The following BICC1 variants were observed in gnomAD, a reference collection of about 807,000 sequenced individuals.
The protein encoded by BICC1 is protein bicaudal C homolog 1.
BICC1 carries 43 observed loss-of-function variants against 111.0 expected under a neutral mutation model. The ratio of observed to expected loss-of-function variants is 0.39; its 90% CI spans 0.30 to 0.50. The LOEUF (loss-of-function observed/expected upper bound fraction) is 0.50. BICC1 is among the 20% of genes least tolerant of loss of function. The pLI is 0.88. For synonymous variants in BICC1, 467 were observed against 434.4 expected, an observed-to-expected ratio of 1.07 and a Z score of -0.93; for missense variants, 1,091 against 1,203.2, an observed-to-expected ratio of 0.91 and a Z score of 1.38.
intron 2 of BICC1, among the ~76,000 whole-genome samples, chr10:58,691,131 G>GT (rs937604746): frequency 2.0e-5 from 3 of 151,994 alleles, no homozygotes; most frequent in Middle Eastern, 3.4e-3. Context: ...CTTTATTATT[G>GT]TTTTTTTCCT....
chr10:58,638,317 T>TA (rs561352548), intron 2 of BICC1, among the ~76,000 whole-genome samples: 2,621 of 150,554 alleles, frequency 0.017, 77 homozygotes, highest in African/African-American at 0.059. Flanking sequence ...ATTACAGAGT[T>TA]AAAAAAAAAG....
intron 1 of BICC1, among the ~76,000 whole-genome samples, chr10:58,521,431 T>G (rs1256665456): frequency 6.6e-6 from 1 of 152,136 alleles, no homozygotes; most frequent in Non-Finnish European, 1.5e-5. Flanking sequence ...TATGCATTTT[T>G]TATTATTCTC....
chr10:58,803,015 G>C, intron 14 of BICC1, 62 bp from the exon 15 acceptor site: 1 of 1,414,370 alleles, frequency 7.1e-7, no homozygotes, highest in Non-Finnish European at 9.4e-7. Flanking sequence ...GTGGCATGTA[G>C]GAAACATTCA....
chr10:58,752,004 C>T (rs559211371), intron 3 of BICC1, among the ~76,000 whole-genome samples: 2 of 152,150 alleles, frequency 1.3e-5, no homozygotes, highest in South Asian at 2.1e-4. Flanking sequence ...CTACATTATA[C>T]CTCACTATGA....
intron 3 of BICC1, among the ~76,000 whole-genome samples, chr10:58,752,698 A>G (rs1377507004): frequency 6.6e-6 from 1 of 152,196 alleles, no homozygotes; most frequent in Non-Finnish European, 1.5e-5. Context: ...CCTGAATGCT[A>G]AAGGACATTT....
chr10:58,725,542 C>T (rs1401148428), intron 3 of BICC1, among the ~76,000 whole-genome samples: 4 of 152,148 alleles, frequency 2.6e-5, no homozygotes, highest in Admixed American at 1.3e-4. Flanking sequence ...TGTATTTCAC[C>T]GCTAGAGTGA....
intron 3 of BICC1, among the ~76,000 whole-genome samples, chr10:58,711,226 A>C (rs1840561790): frequency 1.3e-5 from 2 of 152,164 alleles, no homozygotes; most frequent in Non-Finnish European, 2.9e-5. Context: ...CAAGAGTAGA[A>C]ATTCACCCAA....
intron 2 of BICC1, among the ~76,000 whole-genome samples, chr10:58,689,106 C>G (rs1839839706): frequency 6.6e-6 from 1 of 152,052 alleles, no homozygotes; most frequent in Non-Finnish European, 1.5e-5. Context: ...GATCAAGAAC[C>G]TTTCTGCGAT....
At chr10:58,617,401 G>A (rs1845653433) in intron 1 of BICC1, among the ~76,000 whole-genome samples, 1 of 152,210 alleles carries the variant, frequency 6.6e-6, no homozygotes, top group South Asian at 2.1e-4. Context: ...TAGCAGCAGA[G>A]TACACTGAAT....
At chr10:58,759,316 C>T (rs1842237703) in intron 3 of BICC1, among the ~76,000 whole-genome samples, 1 of 151,984 alleles carries the variant, frequency 6.6e-6, no homozygotes, top group South Asian at 2.1e-4. Flanking sequence ...TCAATATAAA[C>T]AAATACAAAT....
At chr10:58,524,119 T>C (rs1014445685) in intron 1 of BICC1, among the ~76,000 whole-genome samples, 5 of 152,084 alleles carry the variant, frequency 3.3e-5, no homozygotes, top group African/African-American at 1.2e-4. Context: ...AAAATGGCCA[T>C]ACTGCCCAAG....
At chr10:58,699,691 A>G (rs1479478604) in intron 2 of BICC1, among the ~76,000 whole-genome samples, 1 of 151,586 alleles carries the variant, frequency 6.6e-6, no homozygotes, top group Non-Finnish European at 1.5e-5. Context: ...TTATTTTTCT[A>G]TCTTTCTTTC....
At chr10:58,696,374 T>TA (rs774237476) in intron 2 of BICC1, among the ~76,000 whole-genome samples, 6 of 152,176 alleles carry the variant, frequency 3.9e-5, no homozygotes, top group Non-Finnish European at 5.9e-5. Context: ...ATCTTAATTT[T>TA]AATTGTTTCA....
At chr10:58,782,884 C>T (rs755631489) in intron 3 of BICC1, among the ~76,000 whole-genome samples, 7 of 152,146 alleles carry the variant, frequency 4.6e-5, no homozygotes, top group Non-Finnish European at 1.0e-4. Flanking sequence ...TGTCTGTTTA[C>T]ATAAGTGTGG....
At chr10:58,713,195 G>A (rs1350953093) in intron 3 of BICC1, among the ~76,000 whole-genome samples, 1 of 152,148 alleles carries the variant, frequency 6.6e-6, no homozygotes, top group Non-Finnish European at 1.5e-5. Flanking sequence ...ACTGGACTGG[G>A]TCTGGATTTT....
At chr10:58,677,214 C>T (rs1204036204) in intron 2 of BICC1, among the ~76,000 whole-genome samples, 2 of 152,172 alleles carry the variant, frequency 1.3e-5, no homozygotes, top group African/African-American at 4.8e-5. Context: ...GATGAATTGA[C>T]AGAAGTAGGC....
At chr10:58,754,332 A>G (rs552512208) in intron 3 of BICC1, among the ~76,000 whole-genome samples, 1 of 152,216 alleles carries the variant, frequency 6.6e-6, no homozygotes, top group African/African-American at 2.4e-5. Context: ...CAAGTAAAAG[A>G]TGTTTTTTGA....
Position 58,830,904 on chromosome 10 carries a change from C to T in BICC1, c.*2013C>T, listed in dbSNP as rs1412049656. On this transcript the variant is annotated 3_prime_UTR_variant, in exon 21 of 21. Transcript: ENST00000373886. The stretch of plus-strand genomic sequence containing the variant: ...TTATGTCCTGTTCAACAACTCAGTA[C>T]TCTAAATGTTGTTATGCTTTTAATA... The T allele has an allele frequency of 6.6e-6, 1 of 152,188 alleles. No homozygotes were observed. Among genetic ancestry groups the T allele is most frequent in the African/African-American group, 2.4e-5 (1 of 41,440 alleles). The allele number at this position is 152,188 out of a possible 1,614,324, so 9.4% of individuals were successfully genotyped here. A position where few individuals can be genotyped will look rare whatever the true frequency, so the allele number is the denominator to read the frequency against.
chr10:58,646,815 A>C (rs887133461), intron 2 of BICC1, among the ~76,000 whole-genome samples: 1 of 152,120 alleles, frequency 6.6e-6, no homozygotes, highest in African/African-American at 2.4e-5. Context: ...TAAATACTAC[A>C]GTCAATTTTA....
Sources: gnomAD v4.1 joint callset for allele counts (sites outside exome capture counted in the v4.1 genomes callset) on GRCh38, gnomAD v4.1.1 for gene constraint, MANE v1.5 for transcripts, NCBI Gene and HGNC (gene_info 2026-07-23, HGNC 2026-07-21) for gene names.